The following HCN1 variants were observed in gnomAD, a reference collection of about 807,000 sequenced individuals.
HCN1 encodes the protein potassium/sodium hyperpolarization-activated cyclic nucleotide-gated channel 1.
A neutral mutation model predicts 78.9 loss-of-function variants in HCN1; 13 were observed. The ratio of observed to expected loss-of-function variants is 0.16; its 90% CI spans 0.11 to 0.26. The LOEUF is 0.26. Among genes scored for constraint, HCN1 ranks in the 10% least tolerant of loss-of-function variants. The probability of loss-of-function intolerance (pLI) is 1.00; values close to 1 mark genes in which losing one functional copy is unlikely to be tolerated. For synonymous variants in HCN1, 552 were observed against 455.5 expected, an observed-to-expected ratio of 1.21 and a Z score of -2.70; for missense variants, 810 against 1,154.3, an observed-to-expected ratio of 0.70 and a Z score of 4.32.
chr5:45,446,708 T>C (rs13158222), intron 3 of HCN1, among the ~76,000 whole-genome samples: 16 of 152,148 alleles, frequency 1.1e-4, no homozygotes, highest in Non-Finnish European at 2.2e-4. Flanking sequence ...ACTCTACAAG[T>C]CAGAAGAGAG....
At chr5:45,685,665 T>C (rs1334248920) in intron 1 of HCN1, among the ~76,000 whole-genome samples, 1 of 151,722 alleles carries the variant, frequency 6.6e-6, no homozygotes, top group Non-Finnish European at 1.5e-5. Flanking sequence ...TGAGCCAACA[T>C]CGTGCCATTG....
intron 2 of HCN1, among the ~76,000 whole-genome samples, chr5:45,533,958 C>T (rs1742912733): frequency 6.6e-6 from 1 of 152,102 alleles, no homozygotes; most frequent in Non-Finnish European, 1.5e-5. Context: ...GAAGAGAGAA[C>T]AAGGATTGGC....
chr5:45,414,786 G>T (rs1740088634), intron 3 of HCN1, among the ~76,000 whole-genome samples: 1 of 151,974 alleles, frequency 6.6e-6, no homozygotes, highest in South Asian at 2.1e-4. Flanking sequence ...CCTGCCTAGT[G>T]CTTATCTCAG....
intron 4 of HCN1, among the ~76,000 whole-genome samples, chr5:45,371,137 A>G (rs1274585126): frequency 6.6e-6 from 1 of 152,068 alleles, no homozygotes; most frequent in Non-Finnish European, 1.5e-5. Flanking sequence ...CAGCGATAAG[A>G]GGGAAGTTTA....
At chr5:45,542,390 G>A (rs750113278) in intron 2 of HCN1, among the ~76,000 whole-genome samples, 1 of 151,774 alleles carries the variant, frequency 6.6e-6, no homozygotes, top group Non-Finnish European at 1.5e-5. Flanking sequence ...CCTGGTATTT[G>A]ACTCTGCTGT....
In HCN1 at chr5:45,396,164, T is replaced by C. The variant is rs118068123; in HGVS notation, c.1230+328A>G. Reference sequence around the variant, plus strand: ...TTCTAACACATACGAGAGAAGGGTTTATTTTAACTATTGACATATGATAGA... The same window carrying C: ...TTCTAACACATACGAGAGAAGGGTTCATTTTAACTATTGACATATGATAGA... On this transcript the variant is annotated intron_variant, in intron 4 of 7. Transcript: ENST00000303230. 8.5e-5 allele frequency among the ~76,000 whole-genome samples: 13 copies of C among 152,284 alleles called. No individual in the cohort carries two copies. The East Asian group carries it at 2.5e-3, about 29-fold the overall frequency.
chr5:45,492,528 T>G (rs553540838), intron 2 of HCN1, among the ~76,000 whole-genome samples: 7 of 144,268 alleles, frequency 4.9e-5, no homozygotes, highest in African/African-American at 1.3e-4. Flanking sequence ...TGTTTTTTTT[T>G]TTTTTTTTTG....
At chr5:45,420,342 T>C (rs1740202353) in intron 3 of HCN1, among the ~76,000 whole-genome samples, 1 of 152,094 alleles carries the variant, frequency 6.6e-6, no homozygotes, top group Admixed American at 6.6e-5. Context: ...ATAAAACATA[T>C]GATTTATACA....
chr5:45,613,893 G>C (rs1355660380), intron 2 of HCN1, among the ~76,000 whole-genome samples: 2 of 152,018 alleles, frequency 1.3e-5, no homozygotes, highest in East Asian at 1.9e-4. Context: ...TATGATTCAG[G>C]GTATTGCAGA....
intron 5 of HCN1, among the ~76,000 whole-genome samples, chr5:45,311,988 T>A (rs1579800598): frequency 6.6e-6 from 1 of 152,336 alleles, no homozygotes; most frequent in African/African-American, 2.4e-5. Context: ...AAATCTTTGT[T>A]GTCAAGAAGA....
chr5:45,374,178 T>A (rs1311383458), intron 4 of HCN1, among the ~76,000 whole-genome samples: 8 of 110,666 alleles, frequency 7.2e-5, no homozygotes, highest in African/African-American at 1.7e-4. Flanking sequence ...ATAATATATA[T>A]TATATATTAT....
At chr5:45,325,813 G>A (rs6888352) in intron 5 of HCN1, among the ~76,000 whole-genome samples, 49,107 of 151,400 alleles carry the variant, frequency 0.32, 10,299 homozygotes, top group African/African-American at 0.58. Context: ...TCTGTCTCTA[G>A]TAGGAAGGAT....
At chr5:45,671,327 C>G (rs768469320) in intron 1 of HCN1, among the ~76,000 whole-genome samples, 4 of 151,342 alleles carry the variant, frequency 2.6e-5, no homozygotes, top group East Asian at 1.9e-4. Flanking sequence ...CCTATTAACC[C>G]TAATGTTTAT....
At chr5:45,389,996 C>T (rs181556060) in intron 4 of HCN1, among the ~76,000 whole-genome samples, 1 of 152,206 alleles carries the variant, frequency 6.6e-6, no homozygotes, top group African/African-American at 2.4e-5. Context: ...TCACACTTTC[C>T]CCAGCAAGGT....
At chr5:45,668,844 T>G (rs1162841645) in intron 1 of HCN1, among the ~76,000 whole-genome samples, 1 of 151,890 alleles carries the variant, frequency 6.6e-6, no homozygotes, top group Non-Finnish European at 1.5e-5. Context: ...AATTCTGCAC[T>G]TAAGCCAAAA....
intron 2 of HCN1, among the ~76,000 whole-genome samples, chr5:45,482,035 T>C (rs1741665031): frequency 6.6e-6 from 1 of 152,196 alleles, no homozygotes; most frequent in Non-Finnish European, 1.5e-5. Context: ...ATGATCTTGG[T>C]GAGGCTTGTT....
chr5:45,585,039 G>T (rs182029264), intron 2 of HCN1, among the ~76,000 whole-genome samples: 91 of 152,226 alleles, frequency 6.0e-4, no homozygotes, highest in African/African-American at 2.0e-3. Flanking sequence ...GTATCACTGG[G>T]GCATTCTCTG....
chr5:45,280,947 T>C (rs995081953), intron 6 of HCN1, among the ~76,000 whole-genome samples: 9 of 152,028 alleles, frequency 5.9e-5, no homozygotes, highest in African/African-American at 1.9e-4. Context: ...CTCCAGTTGG[T>C]TTACCAGTTT....
At chr5:45,293,126 C>T (rs1745413710) in intron 6 of HCN1, among the ~76,000 whole-genome samples, 1 of 151,890 alleles carries the variant, frequency 6.6e-6, no homozygotes, top group Non-Finnish European at 1.5e-5. Flanking sequence ...AATGGGATTG[C>T]TGGGTTAAAC....
Sources: allele counts gnomAD v4.1 joint callset (sites outside exome capture counted in the v4.1 genomes callset), GRCh38; gene constraint gnomAD v4.1.1; transcripts MANE v1.5; gene names NCBI Gene and HGNC (gene_info 2026-07-23, HGNC 2026-07-21).